The following POMGNT1 variants were observed in gnomAD, a reference collection of about 807,000 sequenced individuals.
POMGNT1 encodes protein O-linked mannose N-acetylglucosaminyltransferase 1 (beta 1,2-).
A neutral mutation model predicts 95.6 loss-of-function variants in POMGNT1; 67 were observed. The ratio of observed to expected loss-of-function variants is 0.70; its 90% CI spans 0.58 to 0.86. The LOEUF is 0.86. Among genes scored for constraint, POMGNT1 ranks in the 40% least tolerant of loss-of-function variants. The probability of loss-of-function intolerance (pLI) is 0.00; values close to 1 mark genes in which losing one functional copy is unlikely to be tolerated. For missense variants in POMGNT1, 719 were observed against 855.2 expected (o/e 0.84, Z 1.99); for synonymous variants, 298 against 317.9 (o/e 0.94, Z 0.66).
rs755366876 is a variant in POMGNT1 at position 46,193,548 on chromosome 1, C to T, written c.1026+16G>A. The T allele has an allele frequency of 4.3e-6, 7 of 1,614,194 alleles. No homozygotes were observed. Among genetic ancestry groups the T allele is most frequent in the South Asian group, 3.3e-5 (3 of 91,076 alleles). On this transcript the variant is annotated intron_variant, in intron 11 of 21. Transcript: ENST00000371984. ...ATGTTGTACTCCACCCGAGGCACCC[C>T]CCAAGTCCTGCTCACCTCATAGTAG...
intron 1 of POMGNT1, among the ~76,000 whole-genome samples, chr1:46,209,791 A>G (rs1658837486): frequency 6.6e-6 from 1 of 152,070 alleles, no homozygotes; most frequent in African/African-American, 2.4e-5. Flanking sequence ...GATTACAAGC[A>G]TGAGCCACCA....
In POMGNT1 at chr1:46,189,250, G is replaced by A. The variant is rs761660715; in HGVS notation, c.*20C>T. On this transcript the variant is annotated 3_prime_UTR_variant, in exon 22 of 22. Transcript: ENST00000371984. Reference sequence around the variant, plus strand: ...CTGGGGGTACACAGTACCCAGCCCCGCAGGGTCCTGGAGGAGGTCTCATGT... The same window carrying A: ...CTGGGGGTACACAGTACCCAGCCCCACAGGGTCCTGGAGGAGGTCTCATGT... 2.9e-5 allele frequency: 47 copies of A among 1,609,494 alleles called. No homozygotes were observed. The highest frequency in any genetic ancestry group is 1.7e-4 in the Middle Eastern group (1 of 5,996).
intron 1 of POMGNT1, among the ~76,000 whole-genome samples, chr1:46,204,328 C>A (rs1458967158): frequency 6.6e-6 from 1 of 152,154 alleles, no homozygotes. Flanking sequence ...AAACAGCAAC[C>A]CTCCCCTTTC....
intron 1 of POMGNT1, among the ~76,000 whole-genome samples, chr1:46,211,604 C>T (rs1208601382): frequency 5.3e-5 from 8 of 151,976 alleles, no homozygotes; most frequent in East Asian, 3.8e-4. Context: ...TATGTTCCTT[C>T]GATGTCTCAT....
chr1:46,209,252 G>A (rs768782702), intron 1 of POMGNT1, among the ~76,000 whole-genome samples: 2 of 152,212 alleles, frequency 1.3e-5, no homozygotes, highest in South Asian at 4.1e-4. Flanking sequence ...TCGAACTCCC[G>A]AACTCAGGTG....
At chr1:46,209,119 G>C (rs1658812720) in intron 1 of POMGNT1, among the ~76,000 whole-genome samples, 1 of 151,802 alleles carries the variant, frequency 6.6e-6, no homozygotes. Context: ...CCGCCTCCTG[G>C]ATTCAAGCAA....
chr1:46,217,662 G>A (rs1355908487), intron 1 of POMGNT1, among the ~76,000 whole-genome samples: 2 of 152,010 alleles, frequency 1.3e-5, no homozygotes, highest in Non-Finnish European at 2.9e-5. Flanking sequence ...TTTGAGACCA[G>A]CCTGGCTAAC....
At chr1:46,212,213 A>G (rs1210467054) in intron 1 of POMGNT1, among the ~76,000 whole-genome samples, 1 of 152,236 alleles carries the variant, frequency 6.6e-6, no homozygotes, top group African/African-American at 2.4e-5. Context: ...TGTATATGTA[A>G]ATACACATAC....
chr1:46,195,295 T>G (rs922960188), intron 6 of POMGNT1, among the ~76,000 whole-genome samples: 6 of 152,182 alleles, frequency 3.9e-5, no homozygotes, highest in African/African-American at 1.4e-4. Flanking sequence ...ATATGCCGTG[T>G]ACCTTCCCAC....
In POMGNT1 at chr1:46,194,722, C is replaced by A. The variant is rs544291151; in HGVS notation, c.653-71G>T. ...TTGGGGGCTTTTTCCCATCTCCCTG[C>A]CTACTTTCATCCAACCCACTGCCAC... On this transcript the variant is annotated intron_variant, in intron 7 of 21. Transcript: ENST00000371984. The A allele has an allele frequency of 4.1e-5, 66 of 1,614,126 alleles. No individual in the cohort carries two copies. In the African/African-American group the frequency reaches 7.3e-4, roughly 18 times the overall value.
At chr1:46,190,259 T>A (rs1192361566) in intron 19 of POMGNT1, 3 of 704,508 alleles carry the variant, frequency 4.3e-6, no homozygotes, top group Non-Finnish European at 7.3e-6. Flanking sequence ...TTAGCCAGGA[T>A]GGTCTCGATC....
rs386834032 is a variant in POMGNT1 at position 46,194,902 on chromosome 1, G to C, written c.594C>G (p.Ser198Arg). The C allele has an allele frequency of 6.2e-7, 1 of 1,614,144 alleles. No individual in the cohort carries two copies. The highest frequency in any genetic ancestry group is 8.5e-7 in the Non-Finnish European group (1 of 1,180,044). The change falls in exon 7 of 22, where the codon AGC (serine) becomes AGG (arginine). Residue 198 changes from serine (S) to arginine (R), a missense_variant. This residue lies in a region of POMGNT1 where 466 missense variants were observed against 517.4 expected (regional missense o/e 0.90). Coordinates refer to ENST00000371984, the MANE Select transcript of POMGNT1 (RefSeq NM_017739.4). ...TCCAGCCCAGGGCAGGGCCAGCCTG[G>C]CTGCCCAGGCTCCTCAGCAGAGCCT... ...TAKALLRSLGSQAGPALGWRD... is the reference protein window; with the variant it reads ...TAKALLRSLGRQAGPALGWRD...
chr1:46,189,995 G>A lies in POMGNT1; in HGVS notation c.1650-6C>T, dbSNP rs755844243. The A allele has an allele frequency of 3.7e-6, 6 of 1,613,534 alleles. No homozygotes were observed. The South Asian group carries it at 5.5e-5, about 15-fold the overall frequency. On this transcript the variant is annotated splice_region_variant and splice_polypyrimidine_tract_variant and intron_variant, in intron 19 of 21. Coordinates refer to ENST00000371984, the MANE Select transcript of POMGNT1 (RefSeq NM_017739.4). Reference sequence around the variant, plus strand: ...GGTCCAGAACCTCAGCCTCACTGCAGTAGAGGGTGGGAGAATATAGCCAAG... The same window carrying A: ...GGTCCAGAACCTCAGCCTCACTGCAATAGAGGGTGGGAGAATATAGCCAAG...
chr1:46,193,504 T>C, intron 11 of POMGNT1, 60 bp downstream of exon 11: 1 of 1,613,818 alleles, frequency 6.2e-7, no homozygotes, highest in Non-Finnish European at 8.5e-7. Flanking sequence ...TGCCCGTCCC[T>C]GGCAATCACT....
At position 46,189,330 on chromosome 1, in the gene POMGNT1, T is replaced by G. The variant is rs886043958; in HGVS notation, c.1923A>C (p.Pro641=). Residue 641 remains proline (P), a synonymous_variant, in exon 22 of 22, where the codon CCA becomes CCC. Coordinates refer to ENST00000371984, the MANE Select transcript of POMGNT1 (RefSeq NM_017739.4). ...CCTTTGGGGGTGGCTCCAGGAAAATTGGGGTGACTGAGGGTGGCTTCTTCA... is the reference window on the plus strand; with the variant it reads ...CCTTTGGGGGTGGCTCCAGGAAAATGGGGGTGACTGAGGGTGGCTTCTTCA... ...YSVKKPPSVT[P]IFLEPPPKEE... is the part of the protein sequence containing the mutation. The G allele has an allele frequency of 3.0e-5, 48 of 1,613,604 alleles. No individual in the cohort carries two copies. Among genetic ancestry groups the G allele is most frequent in the Non-Finnish European group, 3.9e-5 (46 of 1,180,004 alleles).
Position 46,208,579 on chromosome 1 carries a change from A to C in POMGNT1, c.-50-10708T>G, listed in dbSNP as rs544651273. 6.6e-5 allele frequency among the ~76,000 whole-genome samples: 10 copies of C among 152,304 alleles called. 1 individual carries two copies. The highest frequency in any genetic ancestry group is 2.4e-4 in the African/African-American group (10 of 41,574). On this transcript the variant is annotated intron_variant, in intron 1 of 22. Coordinates refer to the POMGNT1 transcript ENST00000371992. Reference sequence around the variant, plus strand: ...AGATTGAGGGCCGGCACGGTGGCTCATGCCTGTAATCCCAGCATTTTGGGA... The same window carrying C: ...AGATTGAGGGCCGGCACGGTGGCTCCTGCCTGTAATCCCAGCATTTTGGGA...
rs1280101536 is a variant in POMGNT1, at chr1:46,192,587, G to C, written c.1215C>G (p.Phe405Leu). Reference protein sequence around the residue: ...DLDIAVDFFSFLSQSIHLLEE... With the variant: ...DLDIAVDFFSLLSQSIHLLEE... ...CCAGTAGGTGGATGGATTGGCTCAG[G>C]AAACTGAGAGAGGCAGGGTCAAAGA... Residue 405 changes from phenylalanine to leucine, a missense_variant, in exon 15 of 22, where the codon TTC becomes TTG. Coordinates refer to ENST00000371984, the MANE Select transcript of POMGNT1 (RefSeq NM_017739.4). The C allele has an allele frequency of 6.2e-7, 1 of 1,613,886 alleles. No homozygotes were observed. The highest frequency in any genetic ancestry group is 8.5e-7 in the Non-Finnish European group (1 of 1,180,022).
Position 46,192,169 on chromosome 1 carries a change from A to C in POMGNT1, c.1468T>G (p.Cys490Gly), listed in dbSNP as rs1657824312. 6.2e-7 allele frequency: 1 copy of C among 1,613,790 alleles called. No individual in the cohort carries two copies. The highest frequency in any genetic ancestry group is 1.3e-5 in the African/African-American group (1 of 74,826). Residue 490 changes from cysteine (C) to glycine (G), a missense_variant, in exon 17 of 22, where the codon TGC (cysteine) becomes GGC (glycine). This residue lies in a region of POMGNT1 where 118 missense variants were observed against 153.6 expected (regional missense o/e 0.77). Coordinates refer to ENST00000371984, the MANE Select transcript of POMGNT1 (RefSeq NM_017739.4). ...RMPEQRRGRE[C>G]IIPDVSRSYH... ...GATCGGGAAACGTCAGGGATGATGC[A>C]CTCTCGGCCCCGGCGTTGTTCAGGC...
chr1:46,190,545 G>A, intron 18 of POMGNT1, 28 bp from the exon 19 acceptor site: 1 of 1,578,886 alleles, frequency 6.3e-7, no homozygotes, highest in Non-Finnish European at 8.7e-7. Flanking sequence ...ATGGGTCAGG[G>A]GAGTGGGCAG....
Sources: gnomAD v4.1 joint callset for allele counts (sites outside exome capture counted in the v4.1 genomes callset) on GRCh38, gnomAD v4.1.1 for gene constraint, gnomAD v4.1.1 regional missense constraint, MANE v1.5 for transcripts, NCBI Gene and HGNC (gene_info 2026-07-23, HGNC 2026-07-21) for gene names.